Variants in DMD observed in about 807,000 individuals in gnomAD.
DMD encodes the protein mutant dystrophin.
Under a neutral mutation model 330.1 loss-of-function variants are expected in DMD, and 63 were observed. The ratio of observed to expected loss-of-function variants is 0.19; its 90% confidence interval spans 0.16 to 0.24. DMD has a LOEUF of 0.24. Ranked by LOEUF, DMD falls within the 10% of genes least tolerant of loss-of-function variation. The probability of loss-of-function intolerance (pLI) is 1.00; values close to 1 mark genes in which losing one functional copy is unlikely to be tolerated. For missense variants in DMD, 3,344 were observed against 2,684.1 expected, an observed-to-expected ratio of 1.25 and a Z score of -5.43; for synonymous variants, 1,223 against 959.8, an observed-to-expected ratio of 1.27 and a Z score of -5.07.
At chrX:32,775,055 CG>C (rs1416629266) in intron 7 of DMD, among the ~76,000 whole-genome samples, 7 of 112,175 alleles carry the variant, frequency 6.2e-5, no homozygotes, top group Non-Finnish European at 1.3e-4. Context: ...ACAGGTCCCA[CG>C]CAAGTTTGAA....
intron 43 of DMD, among the ~76,000 whole-genome samples, chrX:32,229,966 T>C (rs1321841322): frequency 9.2e-6 from 1 of 108,342 alleles, no homozygotes; most frequent in Non-Finnish European, 1.9e-5. Context: ...ACTGAAACTT[T>C]GTAGTCTTTA....
At chrX:31,261,422 A>G (rs2050503914) in intron 62 of DMD, 1 of 173,095 alleles carries the variant, frequency 5.8e-6, no homozygotes, top group South Asian at 1.2e-4. Flanking sequence ...GATACCGGAC[A>G]TTAGTTCAAT....
intron 7 of DMD, among the ~76,000 whole-genome samples, chrX:32,788,413 G>A (rs1244599404): frequency 8.9e-6 from 1 of 112,010 alleles, no homozygotes; most frequent in East Asian, 2.8e-4. Flanking sequence ...GAGCACATTT[G>A]GGTGAGAGGC....
chrX:31,239,080 GT>G (rs1305040158), intron 63 of DMD, among the ~76,000 whole-genome samples: 1 of 112,173 alleles, frequency 8.9e-6, no homozygotes, highest in Non-Finnish European at 1.9e-5. Flanking sequence ...CACTCTGAGG[GT>G]TAACTAAGAT....
intron 9 of DMD, among the ~76,000 whole-genome samples, chrX:32,691,319 CAA>C (rs763927104): frequency 0.071 from 6,003 of 84,613 alleles, 415 homozygotes; most frequent in African/African-American, 0.21. Context: ...AACTCATTGG[CAA>C]AAAAAAAAAA....
chrX:31,555,829 A>G (rs1433700849), intron 55 of DMD, among the ~76,000 whole-genome samples: 3 of 111,659 alleles, frequency 2.7e-5, no homozygotes, highest in Non-Finnish European at 5.6e-5. Flanking sequence ...GTCTGCTTAC[A>G]CTCTATTCTA....
chrX:32,676,674 G>A (rs984967691), intron 9 of DMD, among the ~76,000 whole-genome samples: 6 of 111,014 alleles, frequency 5.4e-5, no homozygotes, highest in Non-Finnish European at 9.5e-5. Context: ...TATCTGCACC[G>A]GCTTATCATT....
At chrX:31,143,337 C>T (rs1028960010) in intron 76 of DMD, among the ~76,000 whole-genome samples, 1 of 110,636 alleles carries the variant, frequency 9.0e-6, no homozygotes, top group Non-Finnish European at 1.9e-5. Flanking sequence ...GTTCTCCCCT[C>T]GCTTTCTCTC....
chrX:32,199,506 A>G (rs1244143870), intron 44 of DMD, among the ~76,000 whole-genome samples: 2 of 110,270 alleles, frequency 1.8e-5, no homozygotes, highest in Non-Finnish European at 3.8e-5. Flanking sequence ...TGCCAATTAC[A>G]CACATTTTTC....
At chrX:33,200,925 CTTTT>C (rs10678250) in intron 1 of DMD, among the ~76,000 whole-genome samples, 31 of 52,808 alleles carry the variant, frequency 5.9e-4, no homozygotes, top group Non-Finnish European at 8.4e-4. Context: ...AATCAATAGA[CTTTT>C]TTTTTTTTTT....
At position 32,803,740 on chromosome X, in the gene DMD, G is replaced by A. The variant is rs138272562; in HGVS notation, c.649+5753C>T. Among the ~76,000 whole-genome samples, 653 of 112,098 alleles carry A rather than the reference G, an allele frequency of 5.8e-3. 6 individuals carry two copies. Among genetic ancestry groups the A allele is most frequent in the African/African-American group, 0.02 (603 of 30,824 alleles). ...TTTACCCAGTAGTCACCCAGGAGCA[G>A]GTTTGTTCAGCTTCCATGTAGTTGT... On this transcript the variant is annotated intron_variant, in intron 7 of 78. Coordinates refer to ENST00000357033, the MANE Select transcript of DMD (RefSeq NM_004006.3).
intron 1 of DMD, among the ~76,000 whole-genome samples, chrX:33,217,570 A>G (rs986453408): frequency 1.8e-5 from 2 of 111,724 alleles, no homozygotes; most frequent in African/African-American, 6.5e-5. Flanking sequence ...GGGTTTCAGT[A>G]GTTAATTGCT....
At chrX:32,286,839 A>G (rs2097443851) in intron 43 of DMD, among the ~76,000 whole-genome samples, 1 of 111,762 alleles carries the variant, frequency 8.9e-6, no homozygotes, top group Admixed American at 9.5e-5. Flanking sequence ...TAAGAAGCCT[A>G]CCTTGAGGAT....
chrX:32,801,300 A>T (rs2076546514), intron 7 of DMD, among the ~76,000 whole-genome samples: 1 of 111,313 alleles, frequency 9.0e-6, no homozygotes, highest in Admixed American at 9.5e-5. Context: ...TTTTTCACAT[A>T]CTTGTTGGCC....
intron 5 of DMD, among the ~76,000 whole-genome samples, chrX:32,818,045 G>A (rs1175246127): frequency 4.5e-5 from 5 of 111,684 alleles, no homozygotes; most frequent in African/African-American, 9.8e-5. Context: ...AAATAATTAC[G>A]TAATTTGTCT....
intron 1 of DMD, among the ~76,000 whole-genome samples, chrX:33,177,595 A>T (rs1432485688): frequency 9.0e-6 from 1 of 110,885 alleles, no homozygotes; most frequent in Non-Finnish European, 1.9e-5. Context: ...CATGTTGGCC[A>T]GGTTGGTCTC....
intron 2 of DMD, among the ~76,000 whole-genome samples, chrX:32,983,286 AATTCATC>A (rs1475603484): frequency 9.0e-6 from 1 of 111,355 alleles, no homozygotes; most frequent in Admixed American, 9.6e-5. Flanking sequence ...AAATTCATCA[AATTCATC>A]ATTCATCATT....
At chrX:32,090,747 T>TG (rs2096468970) in intron 44 of DMD, among the ~76,000 whole-genome samples, 1 of 110,864 alleles carries the variant, frequency 9.0e-6, no homozygotes, top group East Asian at 2.8e-4. Flanking sequence ...GGTTTGGATA[T>TG]GATTCTGAAT....
chrX:32,431,869 A>T (rs142154236), intron 29 of DMD, among the ~76,000 whole-genome samples: 1,211 of 110,812 alleles, frequency 0.011, 8 homozygotes, highest in South Asian at 0.048. Context: ...TGTGCGTGTG[A>T]GTGAGTGTGT....
Sources: allele counts gnomAD v4.1 joint callset (sites outside exome capture counted in the v4.1 genomes callset), GRCh38; gene constraint gnomAD v4.1.1; transcripts MANE v1.5; gene names NCBI Gene and HGNC (gene_info 2026-07-23, HGNC 2026-07-21).